PRDM2: variants seen among roughly 807,000 people sequenced by gnomAD.
PRDM2 encodes the protein PR/SET domain 2.
Under a neutral mutation model 130.0 loss-of-function variants are expected in PRDM2, and 30 were observed. That is an observed-to-expected ratio of 0.23 (90% CI 0.17 to 0.31). The LOEUF (loss-of-function observed/expected upper bound fraction) is 0.31, where lower values mean the gene tolerates loss of function less well. Among genes scored for constraint, PRDM2 ranks in the 10% least tolerant of loss-of-function variants. The pLI, the probability that PRDM2 is intolerant of heterozygous loss-of-function variation, is 1.00. For synonymous variants in PRDM2, 871 were observed against 782.4 expected (o/e 1.11, Z -1.89); for missense variants, 2,011 against 2,108.4 (o/e 0.95, Z 0.90).
At chr1:13,749,600 G>A (rs951777654) in intron 6 of PRDM2, 113 bp downstream of exon 6, 32 of 652,320 alleles carry the variant, frequency 4.9e-5, no homozygotes, top group Non-Finnish European at 5.5e-5. Context: ...GGGCTCGGGC[G>A]GCGGCGCCCG....
At chr1:13,763,763 A>G (rs556648495) in intron 6 of PRDM2, among the ~76,000 whole-genome samples, 2 of 152,326 alleles carry the variant, frequency 1.3e-5, no homozygotes, top group Admixed American at 6.5e-5. Context: ...AATGTAACCA[A>G]GTGCTCATCT....
intron 8 of PRDM2, chr1:13,786,532 G>A (rs1217793124): frequency 6.2e-7 from 1 of 1,609,756 alleles, no homozygotes; most frequent in African/African-American, 1.3e-5. Flanking sequence ...CTGTAGAAAA[G>A]CCCCCAAAAC....
At chr1:13,770,461 T>G (rs1644334961) in intron 6 of PRDM2, 1 of 262,952 alleles carries the variant, frequency 3.8e-6, no homozygotes, top group African/African-American at 2.3e-5. Flanking sequence ...TGTACTTGGC[T>G]TTTTATATGA....
At chr1:13,723,059 C>T (rs1028800703) in intron 2 of PRDM2, among the ~76,000 whole-genome samples, 2 of 152,118 alleles carry the variant, frequency 1.3e-5, no homozygotes, top group African/African-American at 4.8e-5. Flanking sequence ...GCTTTCTTCC[C>T]GTCTCTATTC....
intron 6 of PRDM2, among the ~76,000 whole-genome samples, chr1:13,766,765 C>A (rs888723628): frequency 6.6e-6 from 1 of 152,172 alleles, no homozygotes; most frequent in Non-Finnish European, 1.5e-5. Flanking sequence ...GATAGCTCCC[C>A]AGTGAGGAGG....
chr1:13,736,095 G>A (rs1036048966), intron 4 of PRDM2, among the ~76,000 whole-genome samples: 7 of 146,258 alleles, frequency 4.8e-5, no homozygotes, highest in South Asian at 4.4e-4. Flanking sequence ...ACTTATTTAC[G>A]TTATTGTTTG....
intron 8 of PRDM2, among the ~76,000 whole-genome samples, chr1:13,798,185 G>A (rs1644951724): frequency 6.6e-6 from 1 of 151,988 alleles, no homozygotes; most frequent in Non-Finnish European, 1.5e-5. Context: ...CAGTATTTGT[G>A]GAAGAAAAAG....
chr1:13,724,833 AAAAG>A (rs754253161), intron 2 of PRDM2, among the ~76,000 whole-genome samples: 50 of 152,336 alleles, frequency 3.3e-4, no homozygotes, highest in South Asian at 1.0e-3. Context: ...TAAAGGGAGA[AAAAG>A]GAAGGAGGAG....
chr1:13,820,349 G>A (rs1032617570), intron 9 of PRDM2, among the ~76,000 whole-genome samples: 1 of 152,222 alleles, frequency 6.6e-6, no homozygotes, highest in Non-Finnish European at 1.5e-5. Context: ...GGCAAGCCCT[G>A]CCTTTCACCA....
Position 13,778,599 on chromosome 1 carries a change from AGAGGAG to A in PRDM2, c.813_818del (p.Glu275_Glu276del). On this transcript the variant is annotated inframe_deletion, in exon 8 of 10. Transcript: ENST00000311066. ...CTTGTGAGGTGAATGATTTGGGGGAAGAGGAGGAGGAGGAAGAGGAGGAGGATGAAG... is the reference window on the plus strand; with the variant it reads ...CTTGTGAGGTGAATGATTTGGGGGAAGAGGAGGAAGAGGAGGAGGATGAAG... 6.2e-7 allele frequency: 1 copy of A among 1,611,720 alleles called. No individual in the cohort carries two copies. The highest frequency in any genetic ancestry group is 8.5e-7 in the Non-Finnish European group (1 of 1,178,296).
chr1:13,780,590 G>A lies in PRDM2; in HGVS notation c.2795G>A (p.Gly932Asp). The change falls in exon 8 of 10, where the codon GGT becomes GAT. Residue 932 changes from glycine to aspartate, a missense_variant. By Grantham distance (94) the Gly-to-Asp change is moderately conservative (BLOSUM62 -1). This residue lies in a region of PRDM2 where 1,288 missense variants were observed against 1,237.7 expected (regional missense o/e 1.04). Coordinates refer to ENST00000311066, the MANE Select transcript of PRDM2 (RefSeq NM_001393986.1). ...QPDPDLGPGS[G>D]FPAPTVESTP... The stretch of plus-strand genomic sequence containing the variant: ...GATCCTGACCTCGGTCCGGGCTCTG[G>A]TTTCCCTGCCCCTACTGTTGAGTCC... 6.2e-7 allele frequency: 1 copy of A among 1,614,070 alleles called. No homozygotes were observed. Among genetic ancestry groups the A allele is most frequent in the East Asian group, 2.2e-5 (1 of 44,872 alleles).
Position 13,779,865 on chromosome 1 carries a change from G to T in PRDM2, c.2070G>T (p.Lys690Asn). Reference protein sequence around the residue: ...HKEKSVYLSSKLKQLLQTQDK... With the variant: ...HKEKSVYLSSNLKQLLQTQDK... The stretch of plus-strand genomic sequence containing the variant: ...AGAAAAGTGTTTATTTGTCATCAAA[G>T]CTCAAACAACTTCTTCAAACCCAAG... The change falls in exon 8 of 10, where the codon AAG becomes AAT. Residue 690 changes from lysine to asparagine, a missense_variant. Physicochemically the swap from Lys to Asn is moderately conservative, Grantham distance 94. Around this residue, in one of 5 missense-constraint regions of PRDM2, gnomAD observed 1,288 missense variants for 1,237.7 expected, o/e 1.04. Transcript: ENST00000311066. The surrounding 1 kb of genome is among the most constrained non-coding windows in gnomAD (Gnocchi z 4.9). 6.2e-7 allele frequency: 1 copy of T among 1,612,824 alleles called. No homozygotes were observed. Among genetic ancestry groups the T allele is most frequent in the Non-Finnish European group, 8.5e-7 (1 of 1,179,904 alleles).
At chr1:13,801,633 T>G (rs1056074572) in intron 8 of PRDM2, among the ~76,000 whole-genome samples, 6 of 152,208 alleles carry the variant, frequency 3.9e-5, no homozygotes, top group African/African-American at 1.4e-4. Flanking sequence ...CTAAAGTTCT[T>G]GGGAAGATTA....
intron 2 of PRDM2, among the ~76,000 whole-genome samples, chr1:13,725,156 A>G (rs1642869806): frequency 6.6e-6 from 1 of 152,218 alleles, no homozygotes; most frequent in Non-Finnish European, 1.5e-5. Flanking sequence ...AGTATTTTGA[A>G]ATAGTTATAG....
At chr1:13,760,768 A>G (rs116068312) in intron 6 of PRDM2, among the ~76,000 whole-genome samples, 2,557 of 152,046 alleles carry the variant, frequency 0.017, 40 homozygotes, top group South Asian at 0.084. Context: ...TGGCACACCA[A>G]CCTTTGGTTC....
At position 13,780,890 on chromosome 1, in the gene PRDM2, C is replaced by G; in HGVS notation, c.3095C>G (p.Ser1032Cys). The G allele has an allele frequency of 6.2e-7, 1 of 1,613,434 alleles. No homozygotes were observed. The highest frequency in any genetic ancestry group is 2.2e-5 in the East Asian group (1 of 44,850). Residue 1032 changes from serine (S) to cysteine (C), a missense_variant, in exon 8 of 10, where the codon TCT becomes TGT. Physicochemically the swap from Ser to Cys is moderately radical, Grantham distance 112. This residue lies in a region of PRDM2 where 1,288 missense variants were observed against 1,237.7 expected (regional missense o/e 1.04). Transcript: ENST00000311066. ...TCCCCAACAGTGTCCCCCTCTCCCTCTCCCATTCCTCCCGTGGAGCCCCTG... is the reference window on the plus strand; with the variant it reads ...TCCCCAACAGTGTCCCCCTCTCCCTGTCCCATTCCTCCCGTGGAGCCCCTG... ...ILSPTVSPSPSPIPPVEPLMS... is the reference protein window; with the variant it reads ...ILSPTVSPSPCPIPPVEPLMS...
At position 13,782,612 on chromosome 1, in the gene PRDM2, A is replaced by G; in HGVS notation, c.4817A>G (p.Lys1606Arg). Residue 1606 changes from lysine to arginine, a missense_variant, in exon 8 of 10, where the codon AAA (lysine) becomes AGA (arginine). Physicochemically the swap from Lys to Arg is conservative, Grantham distance 26 (BLOSUM62 2). This residue lies in a region of PRDM2 where 410 missense variants were observed against 395.9 expected (regional missense o/e 1.04). Coordinates refer to ENST00000311066, the MANE Select transcript of PRDM2 (RefSeq NM_001393986.1). ...AKNHSAQLSS[K>R]TSRSLHVRVQ... ...AATCATTCTGCTCAGCTTTCCAGCA[A>G]AACATCACGGAGCCTGCACGTGAGG... 6.2e-7 allele frequency: 1 copy of G among 1,614,162 alleles called. No homozygotes were observed. Among genetic ancestry groups the G allele is most frequent in the Non-Finnish European group, 8.5e-7 (1 of 1,180,030 alleles).
At chr1:13,711,392 A>G (rs923643072) in intron 1 of PRDM2, among the ~76,000 whole-genome samples, 6 of 43,748 alleles carry the variant, frequency 1.4e-4, no homozygotes, top group African/African-American at 8.2e-4. Context: ...TTAGTATTCT[A>G]TTGCAGCTCG....
intron 8 of PRDM2, among the ~76,000 whole-genome samples, chr1:13,791,201 T>C (rs559980292): frequency 1.3e-5 from 2 of 152,144 alleles, no homozygotes; most frequent in Admixed American, 6.5e-5. Flanking sequence ...CAAGCATTAG[T>C]GAACAAGTGG....
Sources: gnomAD v4.1 joint callset for allele counts (sites outside exome capture counted in the v4.1 genomes callset) on GRCh38, gnomAD v4.1.1 for gene constraint, gnomAD v4.1.1 regional missense constraint, Gnocchi (gnomAD v3.1) non-coding constraint, MANE v1.5 for transcripts, NCBI Gene and HGNC (gene_info 2026-07-23, HGNC 2026-07-21) for gene names.